Variants in UST observed in about 807,000 individuals in gnomAD.
UST encodes chondroitin sulfate 2-O-sulfotransferase.
UST carries 21 observed loss-of-function variants against 45.6 expected under a neutral mutation model. The ratio of observed to expected loss-of-function variants is 0.46; its 90% CI spans 0.33 to 0.66. The LOEUF (loss-of-function observed/expected upper bound fraction) is 0.66. Among genes scored for constraint, UST ranks in the 30% least tolerant of loss-of-function variants. UST has a pLI of 0.02. For synonymous variants in UST, 215 were observed against 200.6 expected (o/e 1.07, Z -0.61); for missense variants, 463 against 512.4 (o/e 0.90, Z 0.93).
chr6:149,005,683 C>A, intron 5 of UST: 1 of 889,300 alleles, frequency 1.1e-6, no homozygotes, highest in South Asian at 5.2e-5. Context: ...GCAAGTATTT[C>A]TTGGAAGCAC....
At chr6:149,061,968 G>A (rs1422805108) in intron 7 of UST, among the ~76,000 whole-genome samples, 1 of 152,242 alleles carries the variant, frequency 6.6e-6, no homozygotes, top group African/African-American at 2.4e-5. Flanking sequence ...ATACAGCAAA[G>A]TCAGGTCACA....
chr6:149,011,609 G>T (rs1478124470), intron 5 of UST, among the ~76,000 whole-genome samples: 1 of 152,104 alleles, frequency 6.6e-6, no homozygotes, highest in Non-Finnish European at 1.5e-5. Flanking sequence ...TCAGGAGTTC[G>T]AGACCAGCCT....
At chr6:148,964,898 T>G (rs1780753412) in intron 5 of UST, among the ~76,000 whole-genome samples, 1 of 151,292 alleles carries the variant, frequency 6.6e-6, no homozygotes, top group Admixed American at 6.6e-5. Context: ...GTTGGGGGGG[T>G]GTCTGTTAGA....
At chr6:148,819,993 G>T (rs1777426130) in intron 1 of UST, among the ~76,000 whole-genome samples, 1 of 152,114 alleles carries the variant, frequency 6.6e-6, no homozygotes, top group Non-Finnish European at 1.5e-5. Context: ...ACCCATGGGG[G>T]CCTCTCTCTC....
intron 5 of UST, among the ~76,000 whole-genome samples, chr6:149,001,439 C>T (rs2486391): frequency 0.23 from 34,954 of 152,066 alleles, 4,133 homozygotes; most frequent in South Asian, 0.33. Context: ...TTTAAATATT[C>T]ACACAAGTAT....
At chr6:149,058,433 A>G (rs901745203) in intron 7 of UST, among the ~76,000 whole-genome samples, 22 of 150,748 alleles carry the variant, frequency 1.5e-4, no homozygotes, top group African/African-American at 4.9e-4. Context: ...GAGAGAGAGA[A>G]GTACCCTAGG....
chr6:148,860,560 C>T (rs187407316), intron 1 of UST, among the ~76,000 whole-genome samples: 2,039 of 152,284 alleles, frequency 0.013, 30 homozygotes, highest in Admixed American at 0.025. Context: ...GAGAGGGCAT[C>T]CCTGTCTTGT....
intron 5 of UST, chr6:148,964,793 A>G (rs1046235395): frequency 6.6e-5 from 37 of 561,446 alleles, no homozygotes; most frequent in Middle Eastern, 9.8e-4. Flanking sequence ...TGCTTTGCTC[A>G]GTTGTCTTTA....
chr6:148,850,239 C>T (rs1346421403), intron 1 of UST, among the ~76,000 whole-genome samples: 1 of 152,188 alleles, frequency 6.6e-6, no homozygotes, highest in Non-Finnish European at 1.5e-5. Flanking sequence ...GTAGCTTCCC[C>T]AGGGCTTCAT....
intron 5 of UST, among the ~76,000 whole-genome samples, chr6:149,002,901 C>T (rs748592299): frequency 1.3e-5 from 2 of 152,150 alleles, no homozygotes; most frequent in South Asian, 2.1e-4. Flanking sequence ...TAAGTATTAG[C>T]ATAGTTACAT....
At chr6:148,898,710 T>C (rs1434951580) in intron 2 of UST, among the ~76,000 whole-genome samples, 2 of 152,248 alleles carry the variant, frequency 1.3e-5, no homozygotes. Context: ...TAAAAAATTC[T>C]GTGAAGCCAC....
At position 148,937,898 on chromosome 6, in the gene UST, C is replaced by T. The variant is rs189907947; in HGVS notation, c.292-3381C>T. Reference sequence around the variant, plus strand: ...TACCCCAGCCTGGTTGTAATGGAAACTCCAACTTATAAATGCTATTTGTAC... The same window carrying T: ...TACCCCAGCCTGGTTGTAATGGAAATTCCAACTTATAAATGCTATTTGTAC... On this transcript the variant is annotated intron_variant, in intron 2 of 7. Coordinates refer to ENST00000367463, the MANE Select transcript of UST (RefSeq NM_005715.3). Among the ~76,000 whole-genome samples, 7 of 152,310 alleles carry T rather than the reference C, an allele frequency of 4.6e-5. No homozygotes were observed. The East Asian group carries it at 1.3e-3, about 29-fold the overall frequency.
intron 1 of UST, among the ~76,000 whole-genome samples, chr6:148,800,607 T>G (rs1302879713): frequency 6.6e-6 from 1 of 152,100 alleles, no homozygotes. Context: ...TTTAGATTTT[T>G]GCAAGGTATA....
intron 4 of UST, among the ~76,000 whole-genome samples, chr6:148,956,963 G>A (rs903239057): frequency 2.6e-5 from 4 of 152,154 alleles, no homozygotes; most frequent in South Asian, 2.1e-4. Context: ...GTGTTTCTTC[G>A]GGGAGGTGAG....
At chr6:149,012,090 G>T (rs1380952687) in intron 5 of UST, among the ~76,000 whole-genome samples, 1 of 152,202 alleles carries the variant, frequency 6.6e-6, no homozygotes, top group South Asian at 2.1e-4. Flanking sequence ...TTACAACAGG[G>T]AGAGCAACGT....
chr6:148,957,172 A>G (rs1475244722), intron 4 of UST, among the ~76,000 whole-genome samples: 1 of 152,244 alleles, frequency 6.6e-6, no homozygotes, highest in Non-Finnish European at 1.5e-5. Flanking sequence ...ATAAAAAGCC[A>G]GAACTGACTC....
intron 1 of UST, among the ~76,000 whole-genome samples, chr6:148,776,702 C>A (rs1283841656): frequency 1.3e-5 from 2 of 151,948 alleles, no homozygotes; most frequent in Non-Finnish European, 2.9e-5. Flanking sequence ...CCCCTTTTTT[C>A]TTTAACCATT....
chr6:148,964,330 G>C, intron 4 of UST, 80 bp from the exon 5 acceptor site: 1 of 1,546,312 alleles, frequency 6.5e-7, no homozygotes, highest in South Asian at 1.2e-5. Flanking sequence ...TTAACCTAGA[G>C]GGAAGGGGAG....
chr6:148,918,175 A>G lies in UST; in HGVS notation c.292-23104A>G, dbSNP rs111372144. Among the ~76,000 whole-genome samples, 1,285 of 152,286 alleles carry G rather than the reference A, an allele frequency of 8.4e-3. 12 individuals are homozygous for G. The highest frequency in any genetic ancestry group is 0.029 in the African/African-American group (1,219 of 41,544). On this transcript the variant is annotated intron_variant, in intron 2 of 7. Coordinates refer to ENST00000367463, the MANE Select transcript of UST (RefSeq NM_005715.3). The stretch of plus-strand genomic sequence containing the variant: ...AACCCCACTGCTTTATGAATTGAAT[A>G]CTAACCTGGAACTACTCCCAAATCA...
Sources: allele counts gnomAD v4.1 joint callset (sites outside exome capture counted in the v4.1 genomes callset), GRCh38; gene constraint gnomAD v4.1.1; transcripts MANE v1.5; gene names NCBI Gene and HGNC (gene_info 2026-07-23, HGNC 2026-07-21).